BPTF: variants seen among roughly 807,000 people sequenced by gnomAD.
BPTF encodes nucleosome-remodeling factor subunit BPTF.
BPTF carries 18 observed loss-of-function variants against 292.5 expected under a neutral mutation model. The observed-to-expected ratio is 0.06, with a 90% confidence interval of 0.04 to 0.09. The LOEUF is 0.09. BPTF is among the 10% of genes least tolerant of loss of function. The pLI, the probability that BPTF is intolerant of heterozygous loss-of-function variation, is 1.00. For synonymous variants in BPTF, 1,225 were observed against 1,251.9 expected, an observed-to-expected ratio of 0.98 and a Z score of 0.45; for missense variants, 2,726 against 3,498.7, an observed-to-expected ratio of 0.78 and a Z score of 5.57.
At position 67,825,709 on chromosome 17, in the gene BPTF, C is replaced by A. The variant is rs924612059; in HGVS notation, c.-16C>A. 83 of 1,051,814 alleles carry A rather than the reference C, an allele frequency of 7.9e-5. No individual in the cohort carries two copies. Among genetic ancestry groups the A allele is most frequent in the Admixed American group, 5.6e-5 (1 of 17,732 alleles). 65.2% of individuals were successfully genotyped at this position (1,051,814 alleles called of 1,614,324 possible). A position where few individuals can be genotyped will look rare whatever the true frequency, so the allele number is the denominator to read the frequency against. ...CTCCCCCTTCGCTTTCCTTCTCCCC[C>A]CGCCTCGGCTCCGACATGAGGGGCC... On this transcript the variant is annotated 5_prime_UTR_variant, in exon 1 of 28. Transcript: ENST00000306378.
chr17:67,888,584 C>A (rs1242129999), intron 4 of BPTF, among the ~76,000 whole-genome samples: 2 of 112,106 alleles, frequency 1.8e-5, no homozygotes, highest in East Asian at 4.5e-4. Flanking sequence ...AACGAGACTC[C>A]GTCTCAAAAA....
intron 27 of BPTF, chr17:67,981,884 C>A: frequency 5.8e-6 from 1 of 173,612 alleles, no homozygotes; most frequent in Non-Finnish European, 1.1e-5. Flanking sequence ...CACACACACA[C>A]ACACACACAC....
chr17:67,897,341 CAAAAAAAAAA>C (rs750678904), intron 7 of BPTF, among the ~76,000 whole-genome samples: 21 of 17,766 alleles, frequency 1.2e-3, no homozygotes, highest in Admixed American at 3.4e-3. Flanking sequence ...AACTCTGTCT[CAAAAAAAAAA>C]AAAAAAAAAA....
Position 67,944,137 on chromosome 17 carries a change from G to T in BPTF, c.6478-13G>T, listed in dbSNP as rs1265129521. ...GCTTTGAACACTGTTTACATGTTGT[G>T]TTTTTTCCACAGGGTGGCAATCAAG... On this transcript the variant is annotated splice_polypyrimidine_tract_variant and intron_variant, in intron 19 of 27. Coordinates refer to ENST00000306378, the MANE Select transcript of BPTF (RefSeq NM_182641.4). The T allele has an allele frequency of 6.2e-7, 1 of 1,607,082 alleles. No individual in the cohort carries two copies. Among genetic ancestry groups the T allele is most frequent in the Non-Finnish European group, 8.5e-7 (1 of 1,173,716 alleles).
chr17:67,964,326 A>T lies in BPTF; in HGVS notation c.8376A>T (p.Thr2792=), dbSNP rs1555685633. The T allele has an allele frequency of 1.2e-6, 2 of 1,614,226 alleles. No individual in the cohort carries two copies. The highest frequency in any genetic ancestry group is 4.5e-5 in the East Asian group (2 of 44,888). The change falls in exon 25 of 28, where the codon ACA becomes ACT. Residue 2792 remains threonine, a synonymous_variant. Transcript: ENST00000306378. The part of the protein sequence containing the change: ...DEYVCPQCQS[T]EDAMTVLTPL... ...ATGTCTGTCCACAGTGCCAGTCAACAGAGGATGCCATGACAGTGCTCACGC... is the reference window on the plus strand; with the variant it reads ...ATGTCTGTCCACAGTGCCAGTCAACTGAGGATGCCATGACAGTGCTCACGC...
intron 11 of BPTF, among the ~76,000 whole-genome samples, chr17:67,917,931 G>T (rs2147112380): frequency 6.6e-6 from 1 of 152,082 alleles, no homozygotes; most frequent in Non-Finnish European, 1.5e-5. Flanking sequence ...TCTGCCTCAG[G>T]CTCCCGAGTA....
intron 1 of BPTF, among the ~76,000 whole-genome samples, chr17:67,839,336 A>T (rs11079705): frequency 0.2 from 30,540 of 150,340 alleles, 3,851 homozygotes; most frequent in East Asian, 0.66. Context: ...GTTTTTTTTT[A>T]AAAAAAAATC....
At chr17:67,947,631 A>G in intron 21 of BPTF, 95 bp from the exon 22 acceptor site, 3 of 950,246 alleles carry the variant, frequency 3.2e-6, no homozygotes, top group Non-Finnish European at 4.6e-6. Context: ...TTCTTTAAAA[A>G]AACACATATG....
intron 19 of BPTF, among the ~76,000 whole-genome samples, chr17:67,943,134 G>A (rs1283809985): frequency 3.3e-5 from 5 of 152,136 alleles, no homozygotes; most frequent in Non-Finnish European, 4.4e-5. Context: ...ATTGAAATCC[G>A]GGTGAGTCAT....
In BPTF at chr17:67,946,160, C is replaced by A; in HGVS notation, c.7452C>A (p.His2484Gln). The A allele has an allele frequency of 6.2e-7, 1 of 1,614,150 alleles. No homozygotes were observed. The highest frequency in any genetic ancestry group is 2.2e-5 in the East Asian group (1 of 44,884). ...QIQQSSAVQTHQIQNVVTVQA... is the reference protein window; with the variant it reads ...QIQQSSAVQTQQIQNVVTVQA... ...AGCAAAGCAGTGCTGTGCAGACTCA[C>A]CAGATTCAGAATGTGGTTACAGTGC... The change falls in exon 21 of 28, where the codon CAC (histidine) becomes CAA (glutamine). Residue 2484 changes from histidine to glutamine, a missense_variant. Physicochemically the swap from His to Gln is conservative, Grantham distance 24 (BLOSUM62 0). Around this residue, in one of 22 missense-constraint regions of BPTF, gnomAD observed 570 missense variants for 633.5 expected, o/e 0.90. Coordinates refer to ENST00000306378, the MANE Select transcript of BPTF (RefSeq NM_182641.4).
At chr17:67,848,260 T>C (rs1402367239) in intron 1 of BPTF, among the ~76,000 whole-genome samples, 1 of 152,234 alleles carries the variant, frequency 6.6e-6, no homozygotes, top group East Asian at 1.9e-4. Context: ...GGCATGACTT[T>C]ACCCCTGCAT....
At chr17:67,961,306 A>G (rs1359689700) in intron 24 of BPTF, among the ~76,000 whole-genome samples, 1 of 152,182 alleles carries the variant, frequency 6.6e-6, no homozygotes, top group Non-Finnish European at 1.5e-5. Context: ...CATTATTAAC[A>G]CTTTAGTATA....
intron 3 of BPTF, among the ~76,000 whole-genome samples, chr17:67,871,431 A>G (rs2059727233): frequency 7.7e-6 from 1 of 130,074 alleles, no homozygotes; most frequent in Non-Finnish European, 1.6e-5. Flanking sequence ...ACAGAGTGAG[A>G]CTTTGTCTCC....
At chr17:67,862,505 T>G (rs777864369) in intron 2 of BPTF, among the ~76,000 whole-genome samples, 7 of 152,176 alleles carry the variant, frequency 4.6e-5, no homozygotes, top group Non-Finnish European at 1.0e-4. Flanking sequence ...ATCACACAAC[T>G]ACAAAGTGGT....
chr17:67,977,246 G>C (rs1447750095), intron 27 of BPTF, among the ~76,000 whole-genome samples: 1 of 152,162 alleles, frequency 6.6e-6, no homozygotes, highest in Non-Finnish European at 1.5e-5. Flanking sequence ...CAGGCATGGT[G>C]GCTCACGCCT....
intron 9 of BPTF, among the ~76,000 whole-genome samples, chr17:67,907,959 A>G (rs762355881): frequency 2.0e-5 from 3 of 152,140 alleles, no homozygotes; most frequent in Non-Finnish European, 4.4e-5. Flanking sequence ...ATTCTGTTAT[A>G]TAAACTTCAA....
chr17:67,892,315 A>T (rs565358107), intron 5 of BPTF, among the ~76,000 whole-genome samples: 84 of 152,242 alleles, frequency 5.5e-4, no homozygotes, highest in Non-Finnish European at 9.7e-4. Flanking sequence ...ATTCTAAAGA[A>T]TTAAAGCCTT....
chr17:67,849,495 G>A (rs1207395280), intron 1 of BPTF, among the ~76,000 whole-genome samples: 2 of 152,124 alleles, frequency 1.3e-5, no homozygotes, highest in African/African-American at 2.4e-5. Context: ...TCAATGAATA[G>A]CAAGGTTTGA....
At chr17:67,884,953 CA>C (rs757231253) in intron 4 of BPTF, among the ~76,000 whole-genome samples, 46 of 152,102 alleles carry the variant, frequency 3.0e-4, no homozygotes, top group Non-Finnish European at 5.4e-4. Flanking sequence ...TTTTATTTTA[CA>C]TTTCTCATAG....
Sources: allele counts gnomAD v4.1 joint callset (sites outside exome capture counted in the v4.1 genomes callset), GRCh38; gene constraint gnomAD v4.1.1; regional missense constraint gnomAD v4.1.1; transcripts MANE v1.5; gene names NCBI Gene and HGNC (gene_info 2026-07-23, HGNC 2026-07-21).